CGGBP1: variants seen among roughly 807,000 people sequenced by gnomAD.
The protein encoded by CGGBP1 is CGG triplet repeat binding protein 1, also known as CGG triplet repeat-binding protein 1.
CGGBP1 carries 4 observed loss-of-function variants against 11.4 expected under a neutral mutation model. That is an observed-to-expected ratio of 0.35 (90% confidence interval 0.17 to 0.80). CGGBP1 has a LOEUF of 0.80. Among genes scored for constraint, CGGBP1 ranks in the 30% least tolerant of loss-of-function variants. The pLI is 0.52. For synonymous variants in CGGBP1, 76 were observed against 74.1 expected, an observed-to-expected ratio of 1.03 and a Z score of -0.13; for missense variants, 135 against 202.1, an observed-to-expected ratio of 0.67 and a Z score of 2.01.
At chr3:88,144,271 A>G (rs1290327433) in intron 1 of CGGBP1, 1 of 152,354 alleles carries the variant, frequency 6.6e-6, no homozygotes, top group Non-Finnish European at 1.5e-5. Flanking sequence ...AATAATTTAT[A>G]TCATTGAACT....
In CGGBP1 at chr3:88,053,084, T is replaced by C. The variant is rs1358931982; in HGVS notation, c.*2389A>G. On this transcript the variant is annotated 3_prime_UTR_variant, in exon 4 of 4. Transcript: ENST00000482016. ...ATAGTATAGCATCACACTAACACTA[T>C]ATAGTTAAGATTGAAAACTTCTGTA... 1.3e-5 allele frequency: 2 copies of C among 152,486 alleles called. No individual in the cohort carries two copies. Among genetic ancestry groups the C allele is most frequent in the Non-Finnish European group, 2.9e-5 (2 of 67,968 alleles). 9.4% of individuals were successfully genotyped at this position (152,486 alleles called of 1,614,324 possible). A position where few individuals can be genotyped will look rare whatever the true frequency, so the allele number is the denominator to read the frequency against.
intron 2 of CGGBP1, chr3:88,140,191 T>C (rs7653652): frequency 0.84 from 1,356,441 of 1,613,602 alleles, 573,055 homozygotes; most frequent in South Asian, 0.91. Context: ...AGTCACAGGA[T>C]ATTTCAGGCT....
chr3:88,098,319 T>C (rs1274528656), intron 2 of CGGBP1, among the ~76,000 whole-genome samples: 1 of 152,206 alleles, frequency 6.6e-6, no homozygotes, highest in African/African-American at 2.4e-5. Context: ...TAACAGGCTC[T>C]GAAATTGAGG....
intron 1 of CGGBP1, chr3:88,143,317 TTC>T (rs1707214452): frequency 6.6e-6 from 1 of 152,216 alleles, no homozygotes; most frequent in Admixed American, 6.6e-5. Context: ...TTAAATTTGT[TTC>T]TGTTATGTAG....
chr3:88,126,507 T>C (rs1321571327), intron 2 of CGGBP1, among the ~76,000 whole-genome samples: 1 of 151,954 alleles, frequency 6.6e-6, no homozygotes, highest in Non-Finnish European at 1.5e-5. Context: ...ATCTACTAGA[T>C]GTTATTTATT....
intron 2 of CGGBP1, among the ~76,000 whole-genome samples, chr3:88,119,411 A>AGGG (rs1705629599): frequency 1.3e-4 from 5 of 37,230 alleles, no homozygotes; most frequent in Admixed American, 3.6e-4. Flanking sequence ...GGGAGGGGGG[A>AGGG]GGGATAGCAT....
Position 88,128,306 on chromosome 3 carries a change from TTTAAA to T in CGGBP1, c.-229+12659_-229+12663del, listed in dbSNP as rs572249885. On this transcript the variant is annotated intron_variant, in intron 2 of 3. Transcript: ENST00000462901. Reference sequence around the variant, plus strand: ...GCACTACTTTTGGATTAATTTTATCTTTAAATAAAATATATTTTTCTTGTGATTCA... The same window carrying T: ...GCACTACTTTTGGATTAATTTTATCTTAAAATATATTTTTCTTGTGATTCA... Among the ~76,000 whole-genome samples, 440 of 152,264 alleles carry T rather than the reference TTTAAA, an allele frequency of 2.9e-3. 5 individuals are homozygous for T. Among genetic ancestry groups the T allele is most frequent in the African/African-American group, 0.01 (433 of 41,590 alleles).
intron 1 of CGGBP1, among the ~76,000 whole-genome samples, chr3:88,148,424 T>C (rs1559744252): frequency 6.6e-6 from 1 of 152,168 alleles, no homozygotes; most frequent in African/African-American, 2.4e-5. Context: ...TGTCATCTCT[T>C]TACTAACAAC....
intron 2 of CGGBP1, among the ~76,000 whole-genome samples, chr3:88,133,852 A>G (rs1330929064): frequency 6.6e-6 from 1 of 152,184 alleles, no homozygotes; most frequent in East Asian, 1.9e-4. Context: ...GAGCAAAAGT[A>G]TACTTGAAAT....
chr3:88,087,482 T>C (rs1708397162), intron 2 of CGGBP1, among the ~76,000 whole-genome samples: 1 of 152,128 alleles, frequency 6.6e-6, no homozygotes, highest in South Asian at 2.1e-4. Context: ...ACTAAAATTA[T>C]AGTAAAGAAG....
At chr3:88,122,576 A>C (rs1705833804) in intron 2 of CGGBP1, among the ~76,000 whole-genome samples, 1 of 152,186 alleles carries the variant, frequency 6.6e-6, no homozygotes, top group Non-Finnish European at 1.5e-5. Context: ...GCCAAGACAC[A>C]AAGTTGAATG....
chr3:88,056,955 T>C (rs1706559939), intron 3 of CGGBP1: 1 of 152,180 alleles, frequency 6.6e-6, no homozygotes, highest in Non-Finnish European at 1.5e-5. Context: ...ATTGAAACCT[T>C]TACATAATGA....
rs928229990 is a variant in CGGBP1 at position 88,117,953 on chromosome 3, A to G, written c.-229+23017T>C. Among the ~76,000 whole-genome samples the G allele has an allele frequency of 2.0e-5, 3 of 152,096 alleles. No homozygotes were observed. In the South Asian group the frequency reaches 6.2e-4, roughly 32 times the overall value. On this transcript the variant is annotated intron_variant, in intron 2 of 3. Coordinates refer to the CGGBP1 transcript ENST00000462901. The stretch of plus-strand genomic sequence containing the variant: ...ATTGCCCAATAGATGATTAAAAAAA[A>G]AAAACAACCAAGAACATTTACTACT...
At chr3:88,081,262 G>A (rs1054698462) in intron 2 of CGGBP1, among the ~76,000 whole-genome samples, 3 of 152,110 alleles carry the variant, frequency 2.0e-5, no homozygotes, top group African/African-American at 7.2e-5. Context: ...TAGTTCACAG[G>A]TGATATTTAC....
intron 2 of CGGBP1, among the ~76,000 whole-genome samples, chr3:88,117,033 A>C (rs1477063911): frequency 6.6e-6 from 1 of 152,168 alleles, no homozygotes; most frequent in Non-Finnish European, 1.5e-5. Flanking sequence ...GCTGAGGTTG[A>C]GTTTATAATA....
intron 2 of CGGBP1, among the ~76,000 whole-genome samples, chr3:88,124,548 G>C (rs969809165): frequency 6.6e-6 from 1 of 152,114 alleles, no homozygotes; most frequent in Non-Finnish European, 1.5e-5. Flanking sequence ...TATAATCTCA[G>C]CAAATTATGA....
chr3:88,089,510 A>G (rs928635030), intron 2 of CGGBP1, among the ~76,000 whole-genome samples: 1 of 151,468 alleles, frequency 6.6e-6, no homozygotes, highest in African/African-American at 2.4e-5. Flanking sequence ...AAAATGTTTT[A>G]TTAGATAACT....
At chr3:88,059,236 TA>T, upstream of CGGBP1, 1 of 1,517,972 alleles carries the variant, frequency 6.6e-7, no homozygotes, top group South Asian at 1.2e-5. Flanking sequence ...GGGAGGGAAC[TA>T]GAGAGGAGGA....
chr3:88,116,127 G>T (rs1705374733), intron 2 of CGGBP1, among the ~76,000 whole-genome samples: 1 of 152,084 alleles, frequency 6.6e-6, no homozygotes, highest in Non-Finnish European at 1.5e-5. Context: ...TTTGGGGTGT[G>T]GTCAATCTCA....
Sources: gnomAD v4.1 joint callset for allele counts (sites outside exome capture counted in the v4.1 genomes callset) on GRCh38, gnomAD v4.1.1 for gene constraint, MANE v1.5 for transcripts, NCBI Gene and HGNC (gene_info 2026-07-23, HGNC 2026-07-21) for gene names.